Variants in PSD3 observed in about 807,000 individuals in gnomAD.
The protein encoded by PSD3 is pleckstrin and Sec7 domain containing 3.
Under a neutral mutation model 105.5 loss-of-function variants are expected in PSD3, and 49 were observed. That is an observed-to-expected ratio of 0.46 (90% CI 0.37 to 0.59). PSD3 has a LOEUF of 0.59. Ranked by LOEUF, PSD3 falls within the 20% of genes least tolerant of loss-of-function variation. The pLI, the probability that PSD3 is intolerant of heterozygous loss-of-function variation, is 0.00. For missense variants in PSD3, 1,561 were observed against 1,263.8 expected (o/e 1.24, Z -3.57); for synonymous variants, 557 against 457.8 (o/e 1.22, Z -2.77).
At chr8:18,892,227 C>CT (rs36035049) in intron 2 of PSD3, among the ~76,000 whole-genome samples, 7,898 of 144,236 alleles carry the variant, frequency 0.055, 218 homozygotes, top group South Asian at 0.093. Context: ...ACCATATAAA[C>CT]TTTTTTTTTT....
At chr8:19,010,651 A>C (rs1201289017) in intron 1 of PSD3, among the ~76,000 whole-genome samples, 18 of 152,276 alleles carry the variant, frequency 1.2e-4, no homozygotes. Flanking sequence ...TCTTTGAAAA[A>C]ATAATGCCAC....
At chr8:18,562,885 T>C (rs1301347166) in intron 14 of PSD3, among the ~76,000 whole-genome samples, 1 of 144,768 alleles carries the variant, frequency 6.9e-6, no homozygotes, top group Non-Finnish European at 1.5e-5. Context: ...TGAGACTCTG[T>C]CTAGATAAAG....
At chr8:19,008,835 G>C (rs1056114062) in intron 1 of PSD3, among the ~76,000 whole-genome samples, 4 of 152,048 alleles carry the variant, frequency 2.6e-5, no homozygotes, top group Middle Eastern at 3.2e-3. Flanking sequence ...GAATGCCCTC[G>C]GCTCATTCCC....
chr8:18,617,683 G>C lies in PSD3; in HGVS notation c.2410+14930C>G, dbSNP rs555509720. 1.2e-4 allele frequency among the ~76,000 whole-genome samples: 18 copies of C among 151,160 alleles called. No homozygotes were observed. The East Asian group carries it at 2.3e-3, about 19-fold the overall frequency. On this transcript the variant is annotated intron_variant, in intron 11 of 15. Transcript: ENST00000327040. Reference sequence around the variant, plus strand: ...AACCAGTTTAGGACATGACAGAAAGGGGGTGTTGGACATGCCTCATTATGC... The same window carrying C: ...AACCAGTTTAGGACATGACAGAAAGCGGGTGTTGGACATGCCTCATTATGC...
chr8:18,865,067 C>A (rs967418729), intron 4 of PSD3: 2 of 150,886 alleles, frequency 1.3e-5, no homozygotes, highest in African/African-American at 4.9e-5. Flanking sequence ...GAAATCCGAT[C>A]AAAAGAAGAA....
intron 6 of PSD3, among the ~76,000 whole-genome samples, chr8:18,803,654 G>A (rs1810935494): frequency 6.6e-6 from 1 of 151,942 alleles, no homozygotes; most frequent in Admixed American, 6.6e-5. Flanking sequence ...GAACCTTGAA[G>A]ACATTATGCT....
intron 1 of PSD3, among the ~76,000 whole-genome samples, chr8:19,033,884 C>G (rs901712117): frequency 6.6e-6 from 1 of 152,070 alleles, no homozygotes; most frequent in South Asian, 2.1e-4. Flanking sequence ...AAGAAAGATA[C>G]ATGAGAAGGA....
At chr8:18,913,382 T>C (rs2129464828) in intron 2 of PSD3, among the ~76,000 whole-genome samples, 1 of 152,284 alleles carries the variant, frequency 6.6e-6, no homozygotes, top group Non-Finnish European at 1.5e-5. Flanking sequence ...AGATTTCCTG[T>C]CATTTTCCAC....
chr8:18,697,316 T>C (rs1206458120), intron 9 of PSD3, among the ~76,000 whole-genome samples: 1 of 152,052 alleles, frequency 6.6e-6, no homozygotes, highest in Non-Finnish European at 1.5e-5. Flanking sequence ...AAGAATGAGA[T>C]AAGAGAATTG....
At chr8:18,776,273 ATGTATAAAT>A in intron 8 of PSD3, among the ~76,000 whole-genome samples, 1 of 142,126 alleles carries the variant, frequency 7.0e-6, no homozygotes, top group African/African-American at 2.8e-5. Context: ...TATATATATA[ATGTATAAAT>A]ATATATATAA....
intron 15 of PSD3, among the ~76,000 whole-genome samples, chr8:18,548,574 G>A (rs1029032030): frequency 2.6e-5 from 4 of 152,080 alleles, no homozygotes; most frequent in African/African-American, 9.7e-5. Flanking sequence ...TACACTGTAC[G>A]TGTTCTCTTG....
intron 11 of PSD3, among the ~76,000 whole-genome samples, chr8:18,616,022 T>TGAC (rs33954920): frequency 0.31 from 47,343 of 152,140 alleles, 7,623 homozygotes; most frequent in Middle Eastern, 0.46. Context: ...CCAAGGAATA[T>TGAC]AACAGCCTCA....
chr8:18,745,879 T>C (rs949874069), intron 9 of PSD3, among the ~76,000 whole-genome samples: 3 of 152,212 alleles, frequency 2.0e-5, no homozygotes, highest in Non-Finnish European at 4.4e-5. Context: ...CTTTCTCCCA[T>C]AGAGAGAAAA....
At position 18,535,747 on chromosome 8, in the gene PSD3, G is replaced by A; in HGVS notation, c.3140C>T (p.Thr1047Ile). The A allele has an allele frequency of 6.2e-7, 1 of 1,609,468 alleles. No homozygotes were observed. The highest frequency in any genetic ancestry group is 8.5e-7 in the Non-Finnish European group (1 of 1,175,854). ...PETPSIKQKV[T>I] ...CTTCCTGGCCGCAGATGGACTCTAA[G>A]TAACTTTTTGCTTAATGCTTGGTGT... is the stretch of plus-strand genomic sequence containing the variant. The change falls in exon 16 of 16, where the codon ACT (threonine) becomes ATT (isoleucine). Residue 1047 changes from threonine (T) to isoleucine (I), a missense_variant. Coordinates refer to ENST00000327040, the MANE Select transcript of PSD3 (RefSeq NM_015310.4).
chr8:18,572,472 C>A (rs764678181), intron 14 of PSD3, 56 bp downstream of exon 14: 3 of 1,572,224 alleles, frequency 1.9e-6, no homozygotes, highest in Non-Finnish European at 2.6e-6. Context: ...AAATATTTAT[C>A]ACATTATTTT....
At chr8:18,950,741 C>G (rs1188165272) in intron 1 of PSD3, among the ~76,000 whole-genome samples, 1 of 151,998 alleles carries the variant, frequency 6.6e-6, no homozygotes, top group Admixed American at 6.6e-5. Context: ...TTTATATATA[C>G]ATAATATAAA....
At chr8:18,559,952 G>A (rs1801296393) in intron 14 of PSD3, among the ~76,000 whole-genome samples, 1 of 152,118 alleles carries the variant, frequency 6.6e-6, no homozygotes, top group Non-Finnish European at 1.5e-5. Context: ...ACTAACCGAG[G>A]AAGTGCTGAT....
chr8:18,707,298 G>C (rs1193394901), intron 9 of PSD3, among the ~76,000 whole-genome samples: 2 of 152,200 alleles, frequency 1.3e-5, no homozygotes, highest in Non-Finnish European at 1.5e-5. Flanking sequence ...AAGTCTATGA[G>C]ACTTTTCTAG....
chr8:18,927,121 C>T (rs977766120), intron 2 of PSD3, among the ~76,000 whole-genome samples: 5 of 152,120 alleles, frequency 3.3e-5, no homozygotes, highest in Admixed American at 6.5e-5. Flanking sequence ...AAAAGGGGCA[C>T]GGAACTTCCA....
Sources: gnomAD v4.1 joint callset for allele counts (sites outside exome capture counted in the v4.1 genomes callset) on GRCh38, gnomAD v4.1.1 for gene constraint, MANE v1.5 for transcripts, NCBI Gene and HGNC (gene_info 2026-07-23, HGNC 2026-07-21) for gene names.